The following EXOC1L variants were observed in gnomAD, a reference collection of about 807,000 sequenced individuals.
EXOC1L encodes the protein exocyst complex component 1-like.
In EXOC1L, 10 loss-of-function variants were observed where a neutral mutation model predicts 4.9. The ratio of observed to expected loss-of-function variants is 2.02; its 90% CI spans 1.25 to 3.43. The LOEUF is 3.43. Ranked by LOEUF, EXOC1L falls within the 30% of genes most tolerant of loss-of-function variation. The probability of loss-of-function intolerance (pLI) is 0.00; values close to 1 mark genes in which losing one functional copy is unlikely to be tolerated. For synonymous variants in EXOC1L, 41 were observed against 20.8 expected (o/e 1.97, Z -2.63); for missense variants, 114 against 59.4 (o/e 1.92, Z -3.02).
chr4:55,834,829 T>C (rs892755541), intron 2 of EXOC1L, among the ~76,000 whole-genome samples: 1 of 151,930 alleles, frequency 6.6e-6, no homozygotes, highest in African/African-American at 2.4e-5. Flanking sequence ...TTATTTTATT[T>C]ATATCTTTTT....
intron 2 of EXOC1L, 64 bp downstream of exon 2, chr4:55,831,528 C>G: frequency 1.6e-6 from 1 of 607,108 alleles, no homozygotes; most frequent in Non-Finnish European, 2.9e-6. Context: ...TGTTCAATAT[C>G]CTGCTTCATA....
chr4:55,837,041 C>T (rs1720182180), intron 2 of EXOC1L, 44 bp from the exon 3 acceptor site: 1 of 635,674 alleles, frequency 1.6e-6, no homozygotes, highest in Non-Finnish European at 2.9e-6. Flanking sequence ...AACCTAACTA[C>T]TTTCTTGGCT....
At chr4:55,820,380 T>C (rs918175166) in intron 1 of EXOC1L, among the ~76,000 whole-genome samples, 1 of 152,242 alleles carries the variant, frequency 6.6e-6, no homozygotes, top group Non-Finnish European at 1.5e-5. Context: ...TGTGGAGAAA[T>C]GAAACTGATG....
chr4:55,832,370 C>T lies in EXOC1L; in HGVS notation c.252+906C>T, dbSNP rs1005062696. 2.0e-5 allele frequency among the ~76,000 whole-genome samples: 3 copies of T among 152,034 alleles called. No homozygotes were observed. The South Asian group carries it at 6.2e-4, about 32-fold the overall frequency. ...ATAAATGCCATAGTCTTCATTTGGC[C>T]TATTGTTCCAACCTTTAAAATCTTC... is the stretch of plus-strand genomic sequence containing the variant. On this transcript the variant is annotated intron_variant, in intron 2 of 2. Transcript: ENST00000636125.
intron 1 of EXOC1L, among the ~76,000 whole-genome samples, chr4:55,825,865 A>G (rs1719865883): frequency 6.6e-6 from 1 of 152,066 alleles, no homozygotes; most frequent in African/African-American, 2.4e-5. Context: ...CATCCAGATC[A>G]CCTGAGGTCA....
intron 1 of EXOC1L, among the ~76,000 whole-genome samples, chr4:55,829,502 A>G (rs1719969264): frequency 1.3e-5 from 2 of 152,178 alleles, no homozygotes. Flanking sequence ...TGTATCCTGT[A>G]CATAACTGCT....
chr4:55,823,251 T>C (rs1335180831), intron 1 of EXOC1L, among the ~76,000 whole-genome samples: 1 of 152,106 alleles, frequency 6.6e-6, no homozygotes, highest in East Asian at 1.9e-4. Context: ...ACAATAAGAA[T>C]GTTAACAATA....
chr4:55,820,270 GAACTT>G, intron 1 of EXOC1L, 123 bp downstream of exon 1: 2 of 389,338 alleles, frequency 5.1e-6, no homozygotes, highest in East Asian at 3.6e-5. Context: ...CTTCTGATAA[GAACTT>G]AACTATGCCA....
At chr4:55,834,671 A>G (rs1720115828) in intron 2 of EXOC1L, among the ~76,000 whole-genome samples, 1 of 151,746 alleles carries the variant, frequency 6.6e-6, no homozygotes, top group Non-Finnish European at 1.5e-5. Flanking sequence ...CTTTCCCTTT[A>G]TGGAGATTCT....
At chr4:55,832,794 G>T (rs1386885759) in intron 2 of EXOC1L, among the ~76,000 whole-genome samples, 1 of 151,808 alleles carries the variant, frequency 6.6e-6, no homozygotes, top group Non-Finnish European at 1.5e-5. Context: ...TCTTTGGATT[G>T]GTTGTTGAAA....
At chr4:55,834,132 A>G (rs1370564127) in intron 2 of EXOC1L, among the ~76,000 whole-genome samples, 1 of 152,006 alleles carries the variant, frequency 6.6e-6, no homozygotes, top group African/African-American at 2.4e-5. Context: ...TTACATTTAC[A>G]TATCAATACC....
chr4:55,833,737 C>A (rs367823844), intron 2 of EXOC1L, among the ~76,000 whole-genome samples: 43 of 152,024 alleles, frequency 2.8e-4, no homozygotes, highest in Middle Eastern at 6.8e-3. Context: ...TTCAAATCAA[C>A]TAACTGTGCT....
intron 1 of EXOC1L, among the ~76,000 whole-genome samples, chr4:55,822,090 A>G (rs1190544909): frequency 3.3e-5 from 5 of 152,192 alleles, no homozygotes; most frequent in African/African-American, 1.2e-4. Flanking sequence ...TTTCCTCTTT[A>G]TTCCCTACAA....
At chr4:55,825,685 T>C (rs1719860743) in intron 1 of EXOC1L, among the ~76,000 whole-genome samples, 1 of 152,188 alleles carries the variant, frequency 6.6e-6, no homozygotes, top group African/African-American at 2.4e-5. Context: ...CAGCAACTCA[T>C]GTCCTTACTT....
chr4:55,827,851 G>T (rs1719924142), intron 1 of EXOC1L, among the ~76,000 whole-genome samples: 1 of 152,148 alleles, frequency 6.6e-6, no homozygotes. Context: ...ACAGATTCAA[G>T]TGTGCCTCCA....
chr4:55,824,320 G>A (rs1719820476), intron 1 of EXOC1L, among the ~76,000 whole-genome samples: 1 of 149,580 alleles, frequency 6.7e-6, no homozygotes, highest in South Asian at 2.2e-4. Context: ...ATGCATTTGT[G>A]GAATATCACT....
chr4:55,820,794 A>G (rs942231215), intron 1 of EXOC1L, among the ~76,000 whole-genome samples: 2 of 152,210 alleles, frequency 1.3e-5, no homozygotes, highest in Non-Finnish European at 2.9e-5. Flanking sequence ...TAAAATAAAG[A>G]TTTTTACCCT....
intron 1 of EXOC1L, among the ~76,000 whole-genome samples, chr4:55,822,146 AATT>A (rs1217213469): frequency 6.6e-6 from 1 of 152,198 alleles, no homozygotes; most frequent in Non-Finnish European, 1.5e-5. Flanking sequence ...AGTGTAGTCA[AATT>A]CCATCATGTA....
intron 2 of EXOC1L, 38 bp downstream of exon 2, chr4:55,831,502 A>G (rs960212869): frequency 3.0e-6 from 2 of 657,096 alleles, no homozygotes; most frequent in Admixed American, 2.4e-5. Context: ...TGGAATCAAT[A>G]TGCTGGAGAT....
Sources: allele counts gnomAD v4.1 joint callset (sites outside exome capture counted in the v4.1 genomes callset), GRCh38; gene constraint gnomAD v4.1.1; transcripts MANE v1.5; gene names NCBI Gene and HGNC (gene_info 2026-07-23, HGNC 2026-07-21).